Variants in PCDH9 observed in about 807,000 individuals in gnomAD.
The protein encoded by PCDH9 is protocadherin-9.
A neutral mutation model predicts 70.6 loss-of-function variants in PCDH9; 24 were observed. The observed-to-expected ratio is 0.34, with a 90% CI of 0.25 to 0.48. The LOEUF (loss-of-function observed/expected upper bound fraction) is 0.48. Among genes scored for constraint, PCDH9 ranks in the 20% least tolerant of loss-of-function variants. The probability of loss-of-function intolerance (pLI) is 0.99; values close to 1 mark genes in which losing one functional copy is unlikely to be tolerated. For synonymous variants in PCDH9, 562 were observed against 558.5 expected, an observed-to-expected ratio of 1.01 and a Z score of -0.09; for missense variants, 1,281 against 1,503.6, an observed-to-expected ratio of 0.85 and a Z score of 2.45.
At chr13:66,795,933 C>G (rs2080233389) in intron 3 of PCDH9, among the ~76,000 whole-genome samples, 2 of 152,288 alleles carry the variant, frequency 1.3e-5, no homozygotes, top group Non-Finnish European at 1.5e-5. Context: ...CATCTCCTCT[C>G]TCCTCTGGGA....
In PCDH9 at chr13:66,428,278, A is replaced by G. The variant is rs564724579; in HGVS notation, c.3341-123250T>C. 3.3e-5 allele frequency among the ~76,000 whole-genome samples: 5 copies of G among 151,866 alleles called. No individual in the cohort carries two copies. The South Asian group carries it at 8.3e-4, about 25-fold the overall frequency. ...CAATCAATGAATCCAACATGTCAGG[A>G]AAACTCTCAGATAAGTAAAAACTAT... On this transcript the variant is annotated intron_variant, in intron 4 of 4. Transcript: ENST00000377865.
At chr13:66,534,949 AC>A (rs1960629383) in intron 4 of PCDH9, among the ~76,000 whole-genome samples, 1 of 152,042 alleles carries the variant, frequency 6.6e-6, no homozygotes, top group African/African-American at 2.4e-5. Context: ...ACAGTGGCTC[AC>A]CTTTTTTCCT....
chr13:67,073,581 G>A (rs2085810968), intron 2 of PCDH9, among the ~76,000 whole-genome samples: 1 of 151,774 alleles, frequency 6.6e-6, no homozygotes, highest in Non-Finnish European at 1.5e-5. Context: ...ATATAACTAT[G>A]TGCAATAAAA....
At chr13:66,545,939 T>C (rs7996997) in intron 4 of PCDH9, among the ~76,000 whole-genome samples, 144,884 of 151,768 alleles carry the variant, frequency 0.95, 69,536 homozygotes, top group East Asian at 1. Context: ...CCCGGGTTCA[T>C]GCCATTCTGC....
At chr13:66,737,652 G>C (rs540213038) in intron 3 of PCDH9, among the ~76,000 whole-genome samples, 2 of 152,314 alleles carry the variant, frequency 1.3e-5, no homozygotes, top group East Asian at 3.9e-4. Context: ...CCGTGCACGA[G>C]CCGAAGCCGG....
intron 2 of PCDH9, chr13:67,212,049 T>C (rs1230940546): frequency 2.0e-5 from 3 of 152,166 alleles, no homozygotes; most frequent in Non-Finnish European, 4.4e-5. Flanking sequence ...ATTTTTAATA[T>C]AGCAAATATG....
intron 4 of PCDH9, among the ~76,000 whole-genome samples, chr13:66,329,673 C>A (rs1005131202): frequency 3.9e-5 from 6 of 152,092 alleles, no homozygotes; most frequent in African/African-American, 1.4e-4. Flanking sequence ...CCTTGTCAAC[C>A]AAAGACAGCC....
chr13:66,963,743 C>A (rs2083387108), intron 2 of PCDH9, among the ~76,000 whole-genome samples: 1 of 152,140 alleles, frequency 6.6e-6, no homozygotes, highest in Non-Finnish European at 1.5e-5. Context: ...ATTCATTATT[C>A]TTCTTTCGGG....
At chr13:67,001,964 T>A (rs2084254237) in intron 2 of PCDH9, 1 of 152,206 alleles carries the variant, frequency 6.6e-6, no homozygotes, top group Non-Finnish European at 1.5e-5. Flanking sequence ...CTGTATTGAA[T>A]CACTTCTTAA....
At chr13:66,737,044 G>C (rs1024946279) in intron 3 of PCDH9, among the ~76,000 whole-genome samples, 2 of 152,178 alleles carry the variant, frequency 1.3e-5, no homozygotes, top group Admixed American at 1.3e-4. Flanking sequence ...ACGCAGGGTA[G>C]TGCCTTGAAT....
chr13:66,964,974 T>TA (rs1232535456), intron 2 of PCDH9, among the ~76,000 whole-genome samples: 1 of 151,978 alleles, frequency 6.6e-6, no homozygotes, highest in Non-Finnish European at 1.5e-5. Context: ...ATTAAATAAT[T>TA]AGAGTCAGCA....
At chr13:67,206,055 G>C (rs1214047132) in intron 2 of PCDH9, 1 of 152,150 alleles carries the variant, frequency 6.6e-6, no homozygotes, top group Non-Finnish European at 1.5e-5. Flanking sequence ...TGTCTAGGCA[G>C]CTCTCAAACT....
chr13:66,929,371 T>C (rs2082769097), intron 2 of PCDH9, among the ~76,000 whole-genome samples: 1 of 152,114 alleles, frequency 6.6e-6, no homozygotes, highest in Admixed American at 6.6e-5. Flanking sequence ...TTGCCCAGGC[T>C]TGAGTGCAAT....
At chr13:67,113,694 C>T (rs2086703166) in intron 2 of PCDH9, among the ~76,000 whole-genome samples, 1 of 152,066 alleles carries the variant, frequency 6.6e-6, no homozygotes, top group South Asian at 2.1e-4. Flanking sequence ...ACTACAGGCG[C>T]CCGCCATCAC....
rs899097026 is a variant in PCDH9 at position 66,377,273 on chromosome 13, A to T, written c.3341-72245T>A. On this transcript the variant is annotated intron_variant, in intron 4 of 4. Transcript: ENST00000377865. ...GTTGTTCTCAAATCTTAGAAGGATC[A>T]GAAGCACCTGGGGGGCTTGTTAAAA... Among the ~76,000 whole-genome samples the T allele has an allele frequency of 3.9e-5, 6 of 152,244 alleles. No homozygotes were observed. The South Asian group carries it at 1.2e-3, about 32-fold the overall frequency.
chr13:66,966,034 A>T (rs1486911559), intron 2 of PCDH9, among the ~76,000 whole-genome samples: 1 of 152,144 alleles, frequency 6.6e-6, no homozygotes, highest in Non-Finnish European at 1.5e-5. Flanking sequence ...TACGATATAC[A>T]TGAAGAAATA....
chr13:66,732,748 A>AT lies in PCDH9; in HGVS notation c.3139-101338dup, dbSNP rs567739771. Among the ~76,000 whole-genome samples, 1,152 of 151,652 alleles carry AT rather than the reference A, an allele frequency of 7.6e-3. 18 individuals are homozygous for AT. Among genetic ancestry groups the AT allele is most frequent in the Middle Eastern group, 0.014 (4 of 294 alleles). On this transcript the variant is annotated intron_variant, in intron 3 of 4. Transcript: ENST00000377865. ...TAAGACAGGCTCATTTAAAACTACC[A>AT]TTTTTTTTGCAGATAGAAAAATACA...
chr13:66,485,750 A>T (rs886534254), intron 4 of PCDH9, among the ~76,000 whole-genome samples: 9 of 150,534 alleles, frequency 6.0e-5, no homozygotes, highest in African/African-American at 2.2e-4. Flanking sequence ...TTTATTTTTT[A>T]TTTTTTTTGA....
intron 3 of PCDH9, among the ~76,000 whole-genome samples, chr13:66,689,697 A>G (rs1046366361): frequency 4.6e-5 from 7 of 152,118 alleles, no homozygotes; most frequent in African/African-American, 1.7e-4. Context: ...ATTAACCTCA[A>G]AAAGGTATCT....
Sources: gnomAD v4.1 joint callset for allele counts (sites outside exome capture counted in the v4.1 genomes callset) on GRCh38, gnomAD v4.1.1 for gene constraint, MANE v1.5 for transcripts, NCBI Gene and HGNC (gene_info 2026-07-23, HGNC 2026-07-21) for gene names.